The following CAMK1D variants were observed in gnomAD, a reference collection of about 807,000 sequenced individuals.
The protein encoded by CAMK1D is calcium/calmodulin-dependent protein kinase type 1D.
Under a neutral mutation model 47.7 loss-of-function variants are expected in CAMK1D, and 9 were observed. The ratio of observed to expected loss-of-function variants is 0.19; its 90% CI spans 0.11 to 0.33. The LOEUF is 0.33. Among genes scored for constraint, CAMK1D ranks in the 10% least tolerant of loss-of-function variants. The pLI, the probability that CAMK1D is intolerant of heterozygous loss-of-function variation, is 1.00. For synonymous variants in CAMK1D, 184 were observed against 184.9 expected (o/e 0.99, Z 0.04); for missense variants, 291 against 488.7 (o/e 0.60, Z 3.81).
At chr10:12,824,984 G>T (rs891163576) in intron 9 of CAMK1D, among the ~76,000 whole-genome samples, 1 of 152,024 alleles carries the variant, frequency 6.6e-6, no homozygotes, top group African/African-American at 2.4e-5. Flanking sequence ...CTAATCTCTT[G>T]ATTACCTGAC....
intron 1 of CAMK1D, among the ~76,000 whole-genome samples, chr10:12,498,838 A>C (rs187617345): frequency 2.2e-3 from 339 of 152,294 alleles, no homozygotes; most frequent in Non-Finnish European, 1.4e-3. Flanking sequence ...TTGGGGGTTC[A>C]ATTTAGTACT....
intron 1 of CAMK1D, among the ~76,000 whole-genome samples, chr10:12,552,810 C>A (rs993451905): frequency 6.6e-6 from 1 of 152,156 alleles, no homozygotes; most frequent in African/African-American, 2.4e-5. Context: ...GACACGATCT[C>A]GGCTCACTGC....
At chr10:12,737,154 C>A (rs993159847) in intron 3 of CAMK1D, among the ~76,000 whole-genome samples, 13 of 152,136 alleles carry the variant, frequency 8.5e-5, no homozygotes, top group African/African-American at 3.1e-4. Flanking sequence ...CCCTCGCCCC[C>A]ATCCATCAGC....
At chr10:12,828,580 G>A (rs1464611566) in intron 10 of CAMK1D, among the ~76,000 whole-genome samples, 189 bp from the exon 11 acceptor site, 1 of 151,902 alleles carries the variant, frequency 6.6e-6, no homozygotes. Flanking sequence ...GGCAGAGGTT[G>A]CAGTGACCCG....
At chr10:12,623,007 A>G (rs1404917360) in intron 2 of CAMK1D, among the ~76,000 whole-genome samples, 1 of 146,418 alleles carries the variant, frequency 6.8e-6, no homozygotes, top group African/African-American at 2.5e-5. Flanking sequence ...CCGTCCCGTC[A>G]TCTCATCTCT....
At chr10:12,706,816 A>G (rs563190887) in intron 3 of CAMK1D, among the ~76,000 whole-genome samples, 2 of 152,176 alleles carry the variant, frequency 1.3e-5, no homozygotes, top group Admixed American at 6.5e-5. Flanking sequence ...GAAACAAGCA[A>G]CCTTTGAGCA....
intron 2 of CAMK1D, among the ~76,000 whole-genome samples, chr10:12,618,251 T>A (rs1838884272): frequency 6.6e-6 from 1 of 152,226 alleles, no homozygotes; most frequent in African/African-American, 2.4e-5. Context: ...TCCTAATTTT[T>A]TTTTTCATTT....
intron 8 of CAMK1D, among the ~76,000 whole-genome samples, chr10:12,821,521 G>A (rs1644427): frequency 0.67 from 101,103 of 151,668 alleles, 34,306 homozygotes; most frequent in East Asian, 0.82. Context: ...CTAGAAAAGC[G>A]CAGACTCAGA....
chr10:12,423,311 C>T lies in CAMK1D; in HGVS notation c.92+73401C>T, dbSNP rs548520735. On this transcript the variant is annotated intron_variant, in intron 1 of 10. Transcript: ENST00000619168. ...GGAGGATCGTTTAAGACCAGGAGTT[C>T]GAGGACAGCCTGGGCAACAAAGTGA... is the stretch of plus-strand genomic sequence containing the variant. Among the ~76,000 whole-genome samples, 11 of 151,888 alleles carry T rather than the reference C, an allele frequency of 7.2e-5. No individual in the cohort carries two copies. The South Asian group carries it at 1.5e-3, about 20-fold the overall frequency.
At chr10:12,634,430 C>T (rs1839458949) in intron 2 of CAMK1D, among the ~76,000 whole-genome samples, 3 of 152,190 alleles carry the variant, frequency 2.0e-5, no homozygotes, top group Admixed American at 2.0e-4. Flanking sequence ...CCTCTGCCCC[C>T]AAGTGATCAT....
At chr10:12,358,092 G>A (rs1354983542) in intron 1 of CAMK1D, among the ~76,000 whole-genome samples, 1 of 152,130 alleles carries the variant, frequency 6.6e-6, no homozygotes, top group Non-Finnish European at 1.5e-5. Context: ...TGGAGTGCTG[G>A]CTCACAACTG....
intron 1 of CAMK1D, among the ~76,000 whole-genome samples, chr10:12,439,897 C>G (rs575492134): frequency 1.3e-5 from 2 of 152,130 alleles, no homozygotes; most frequent in Non-Finnish European, 2.9e-5. Flanking sequence ...TCTTACATGG[C>G]GGCAGGCAAG....
rs36022032 is a variant in CAMK1D, at chr10:12,810,276, C to CTTTT, written c.642-3904_642-3901dup. ...TGTGGCTGGTACTGCCCTAGCACCA[C>CTTTT]TTTTTTTTTTTTTTTTTTGATGGAG... is the stretch of plus-strand genomic sequence containing the variant. On this transcript the variant is annotated intron_variant, in intron 6 of 10. Transcript: ENST00000619168. Among the ~76,000 whole-genome samples, 74 of 126,194 alleles carry CTTTT rather than the reference C, an allele frequency of 5.9e-4. 3 individuals are homozygous for CTTTT. Among genetic ancestry groups the CTTTT allele is most frequent in the African/African-American group, 2.1e-3 (69 of 33,018 alleles). 82.8% of individuals were successfully genotyped at this position (126,194 alleles called of 152,430 possible).
chr10:12,430,662 C>T (rs1230163684), intron 1 of CAMK1D, among the ~76,000 whole-genome samples: 2 of 152,148 alleles, frequency 1.3e-5, no homozygotes, highest in East Asian at 1.9e-4. Context: ...ATAGAATCCA[C>T]GTGCCGAGTA....
rs936013694 is a variant in CAMK1D, at chr10:12,834,476, A to G, written c.*5589A>G. 6.6e-6 allele frequency: 1 copy of G among 151,522 alleles called. No individual in the cohort carries two copies. The highest frequency in any genetic ancestry group is 2.1e-4 in the South Asian group (1 of 4,790). 9.4% of individuals were successfully genotyped at this position (151,522 alleles called of 1,614,324 possible). On this transcript the variant is annotated 3_prime_UTR_variant, in exon 11 of 11. Coordinates refer to ENST00000619168, the MANE Select transcript of CAMK1D (RefSeq NM_153498.4). ...CCAAACGCTCAGCATGCGGCTGCCG[A>G]GTCTGGTTTTGTGGACAAAGCAAAC...
intron 1 of CAMK1D, among the ~76,000 whole-genome samples, chr10:12,479,777 G>A (rs1030875352): frequency 6.6e-6 from 1 of 152,226 alleles, no homozygotes; most frequent in African/African-American, 2.4e-5. Context: ...TGGCATGCAT[G>A]GGTGTACCAA....
In CAMK1D at chr10:12,781,404, C is replaced by T. The variant is rs117888316; in HGVS notation, c.566-9754C>T. Reference sequence around the variant, plus strand: ...ATGCCTTCCTTGGCACAGTTGACTTCCTCCATCCCGCGGAGTTCCAAGGCC... The same window carrying T: ...ATGCCTTCCTTGGCACAGTTGACTTTCTCCATCCCGCGGAGTTCCAAGGCC... On this transcript the variant is annotated intron_variant, in intron 5 of 10. Coordinates refer to ENST00000619168, the MANE Select transcript of CAMK1D (RefSeq NM_153498.4). Among the ~76,000 whole-genome samples the T allele has an allele frequency of 2.8e-3, 433 of 152,336 alleles. 5 individuals carry two copies. The East Asian group carries it at 0.049, about 17-fold the overall frequency.
At chr10:12,730,261 A>G (rs113272113) in intron 3 of CAMK1D, among the ~76,000 whole-genome samples, 7,155 of 152,190 alleles carry the variant, frequency 0.047, 459 homozygotes, top group African/African-American at 0.15. Flanking sequence ...TGGTAGGTTG[A>G]AGATGGGCCA....
chr10:12,739,011 T>C (rs906700021), intron 3 of CAMK1D, among the ~76,000 whole-genome samples: 17 of 152,106 alleles, frequency 1.1e-4, no homozygotes, highest in Admixed American at 8.5e-4. Context: ...TGGAAGATGG[T>C]GGATCGCTTG....
Sources: allele counts gnomAD v4.1 joint callset (sites outside exome capture counted in the v4.1 genomes callset), GRCh38; gene constraint gnomAD v4.1.1; transcripts MANE v1.5; gene names NCBI Gene and HGNC (gene_info 2026-07-23, HGNC 2026-07-21).